Variants in KCNQ2 observed in about 807,000 individuals in gnomAD.
KCNQ2 encodes the protein potassium voltage-gated channel subfamily KQT member 2.
In KCNQ2, 14 loss-of-function variants were observed where a neutral mutation model predicts 84.8. The observed-to-expected ratio is 0.17, with a 90% confidence interval of 0.11 to 0.26. KCNQ2 has a LOEUF of 0.26. Ranked by LOEUF, KCNQ2 falls within the 10% of genes least tolerant of loss-of-function variation. The probability of loss-of-function intolerance (pLI) is 1.00; values close to 1 mark genes in which losing one functional copy is unlikely to be tolerated. For synonymous variants in KCNQ2, 599 were observed against 554.1 expected, an observed-to-expected ratio of 1.08 and a Z score of -1.14; for missense variants, 788 against 1,254.0, an observed-to-expected ratio of 0.63 and a Z score of 5.61.
At chr20:63,423,918 C>T (rs572250081) in intron 11 of KCNQ2, 2 of 527,500 alleles carry the variant, frequency 3.8e-6, no homozygotes, top group Non-Finnish European at 6.9e-6. Context: ...GGATCCCCCA[C>T]CCCCGAGAAG....
At position 63,407,517 on chromosome 20, in the gene KCNQ2, C is replaced by G. The variant is rs967471784; in HGVS notation, c.1888-142G>C. The G allele has an allele frequency of 1.6e-5, 13 of 824,962 alleles. No individual in the cohort carries two copies. The highest frequency in any genetic ancestry group is 3.5e-5 in the African/African-American group (2 of 57,098). The allele number at this position is 824,962 out of a possible 1,614,324, so 51.1% of individuals were successfully genotyped here. A position where few individuals can be genotyped will look rare whatever the true frequency, so the allele number is the denominator to read the frequency against. Reference sequence around the variant, plus strand: ...AGGCTAGTCCCAGGAAACGGGGGACCCAGGCTAGTCCCAGGAGATGTGGGG... The same window carrying G: ...AGGCTAGTCCCAGGAAACGGGGGACGCAGGCTAGTCCCAGGAGATGTGGGG... On this transcript the variant is annotated intron_variant, in intron 16 of 16. Coordinates refer to ENST00000359125, the MANE Select transcript of KCNQ2 (RefSeq NM_172107.4). This position sits in a 1 kb window ranked among gnomAD's most constrained non-coding sequence, Gnocchi z 7.2.
chr20:63,406,976 T>A lies in KCNQ2; in HGVS notation c.2287A>T (p.Met763Leu). ...GTGTCCTCCTGCCGCAGGAACTCCA[T>A]GCTGGCGCGGTTGCCCCCGCCGTAG... ...SAYGGGNRAS[M>L]EFLRQEDTPG... Residue 763 changes from methionine (M) to leucine (L), a missense_variant, in exon 17 of 17, where the codon ATG becomes TTG. Physicochemically the swap from Met to Leu is conservative, Grantham distance 15. This residue lies in a region of KCNQ2 where 378 missense variants were observed against 434.5 expected (regional missense o/e 0.87). Transcript: ENST00000359125. 1.3e-6 allele frequency: 2 copies of A among 1,538,510 alleles called. No individual in the cohort carries two copies. The highest frequency in any genetic ancestry group is 2.4e-5 in the South Asian group (2 of 84,748).
chr20:63,407,477 A>G lies in KCNQ2; in HGVS notation c.1888-102T>C. On this transcript the variant is annotated intron_variant, in intron 16 of 16. Coordinates refer to ENST00000359125, the MANE Select transcript of KCNQ2 (RefSeq NM_172107.4). This position sits in a 1 kb window ranked among gnomAD's most constrained non-coding sequence, Gnocchi z 7.2. Reference sequence around the variant, plus strand: ...TGGGGGGGCCCAGGCTGGTTCCAGGAAACAGGAGAGACCCAGGCTAGTCCC... The same window carrying G: ...TGGGGGGGCCCAGGCTGGTTCCAGGGAACAGGAGAGACCCAGGCTAGTCCC... 1.5e-6 allele frequency: 2 copies of G among 1,299,570 alleles called. No homozygotes were observed. Among genetic ancestry groups the G allele is most frequent in the Non-Finnish European group, 1.1e-6 (1 of 939,508 alleles). The allele number at this position is 1,299,570 out of a possible 1,614,324, so 80.5% of individuals were successfully genotyped here.
intron 1 of KCNQ2, among the ~76,000 whole-genome samples, chr20:63,462,764 C>T (rs935703099): frequency 6.6e-6 from 1 of 152,186 alleles, no homozygotes. Context: ...CAAGGTCCAT[C>T]ACTGCAAACC....
rs2079841419 is a variant in KCNQ2, at chr20:63,403,056, C to A, written c.*3588G>T. On this transcript the variant is annotated 3_prime_UTR_variant, in exon 17 of 17. Transcript: ENST00000359125. ...CACCCATCCCAGGAGGGCCCAGCAC[C>A]TCCAGGGCAGACCAAACACAGGACC... is the stretch of plus-strand genomic sequence containing the variant. 1 of 152,344 alleles carries A rather than the reference C, an allele frequency of 6.6e-6. No individual in the cohort carries two copies. The highest frequency in any genetic ancestry group is 2.1e-4 in the South Asian group (1 of 4,838). The allele number at this position is 152,344 out of a possible 1,614,324, so 9.4% of individuals were successfully genotyped here.
At chr20:63,418,818 T>C (rs2080379204) in intron 12 of KCNQ2, among the ~76,000 whole-genome samples, 1 of 150,834 alleles carries the variant, frequency 6.6e-6, no homozygotes, top group Non-Finnish European at 1.5e-5. Flanking sequence ...GGGCCCCCCA[T>C]GGAGCAGGGT....
At chr20:63,443,334 TCACCAC>T (rs879434888) in intron 4 of KCNQ2, among the ~76,000 whole-genome samples, 8 of 40,224 alleles carry the variant, frequency 2.0e-4, no homozygotes, top group Non-Finnish European at 1.4e-4. Context: ...ACCATCACCA[TCACCAC>T]CATCACCACC....
Position 63,402,825 on chromosome 20 carries a change from T to C in KCNQ2, c.*3819A>G, listed in dbSNP as rs947143201. ...CGCTGAGGGGCAGCGTGTCCTCCGG[T>C]GGGGGGTGTTGGGCACCTGCCCTGC... On this transcript the variant is annotated 3_prime_UTR_variant, in exon 17 of 17. Transcript: ENST00000359125. The C allele has an allele frequency of 6.6e-6, 1 of 152,164 alleles. No individual in the cohort carries two copies. The highest frequency in any genetic ancestry group is 1.5e-5 in the Non-Finnish European group (1 of 68,076). 9.4% of individuals were successfully genotyped at this position (152,164 alleles called of 1,614,324 possible).
Position 63,446,643 on chromosome 20 carries a change from G to T in KCNQ2, c.387+104C>A. On this transcript the variant is annotated intron_variant, in intron 2 of 16. Coordinates refer to ENST00000359125, the MANE Select transcript of KCNQ2 (RefSeq NM_172107.4). The surrounding 1 kb of genome is among the most constrained non-coding windows in gnomAD (Gnocchi z 5.5). ...CAAAGACATGGCCAGAGCTGGGGCTGGGGGCGTCAGAGGCCCTGTAGTAAC... is the reference window on the plus strand; with the variant it reads ...CAAAGACATGGCCAGAGCTGGGGCTTGGGGCGTCAGAGGCCCTGTAGTAAC... 1 of 932,556 alleles carries T rather than the reference G, an allele frequency of 1.1e-6. No homozygotes were observed. Among genetic ancestry groups the T allele is most frequent in the Non-Finnish European group, 1.7e-6 (1 of 572,152 alleles). The allele number at this position is 932,556 out of a possible 1,614,324, so 57.8% of individuals were successfully genotyped here.
chr20:63,416,280 T>C (rs1395773852), intron 12 of KCNQ2, among the ~76,000 whole-genome samples: 1 of 151,502 alleles, frequency 6.6e-6, no homozygotes, highest in East Asian at 2.0e-4. Context: ...TCTCGGGGGG[T>C]CCTTGGGCCT....
At chr20:63,454,021 T>C (rs55762580) in intron 1 of KCNQ2, among the ~76,000 whole-genome samples, 4 of 152,240 alleles carry the variant, frequency 2.6e-5, no homozygotes, top group Non-Finnish European at 5.9e-5. Flanking sequence ...CTCAGCCTGC[T>C]TCCTAAGGTG....
At chr20:63,439,752 C>T in intron 5 of KCNQ2, 44 bp from the exon 6 acceptor site, 1 of 1,447,130 alleles carries the variant, frequency 6.9e-7, no homozygotes, top group Non-Finnish European at 9.7e-7. Context: ...CCTGCTCACA[C>T]CCCTGAGGGC....
rs1262112790 is a variant in KCNQ2, at chr20:63,405,059, T to G, written c.*1585A>C. On this transcript the variant is annotated 3_prime_UTR_variant, in exon 17 of 17. Coordinates refer to ENST00000359125, the MANE Select transcript of KCNQ2 (RefSeq NM_172107.4). ...CCCACCAGCCAGGGGCGTACGACCCTCAAATGCTGCTTTCAAAGTCCTCTC... is the reference window on the plus strand; with the variant it reads ...CCCACCAGCCAGGGGCGTACGACCCGCAAATGCTGCTTTCAAAGTCCTCTC... 6.6e-6 allele frequency: 1 copy of G among 152,118 alleles called. No individual in the cohort carries two copies. The highest frequency in any genetic ancestry group is 1.9e-4 in the East Asian group (1 of 5,174). 9.4% of individuals were successfully genotyped at this position (152,118 alleles called of 1,614,324 possible).
rs570937876 is a variant in KCNQ2 at position 63,438,215 on chromosome 20, G to A, written c.1023+410C>T. ...GGTGGGACGGCACTGGGTGGGGTCC[G>A]GGCGGGCATCATGGGGGCCCACAGC... On this transcript the variant is annotated intron_variant, in intron 7 of 16. Coordinates refer to ENST00000359125, the MANE Select transcript of KCNQ2 (RefSeq NM_172107.4). This position sits in a 1 kb window ranked among gnomAD's most constrained non-coding sequence, Gnocchi z 5.1. 1.6e-5 allele frequency: 5 copies of A among 314,386 alleles called. No individual in the cohort carries two copies. Among genetic ancestry groups the A allele is most frequent in the South Asian group, 6.5e-5 (2 of 30,820 alleles). The allele number at this position is 314,386 out of a possible 1,614,324, so 19.5% of individuals were successfully genotyped here.
At chr20:63,421,881 G>A (rs981732641) in intron 11 of KCNQ2, among the ~76,000 whole-genome samples, 5 of 152,022 alleles carry the variant, frequency 3.3e-5, no homozygotes, top group South Asian at 2.1e-4. Context: ...CTCCCCACCC[G>A]ACCCCAACGT....
chr20:63,423,864 C>T (rs1314517155), intron 11 of KCNQ2: 1 of 491,730 alleles, frequency 2.0e-6, no homozygotes, highest in Non-Finnish European at 3.7e-6. Flanking sequence ...ACAGAGACCC[C>T]CTGCCTCCGA....
chr20:63,416,887 C>T (rs1056754322), intron 12 of KCNQ2, among the ~76,000 whole-genome samples: 5 of 152,162 alleles, frequency 3.3e-5, no homozygotes, highest in African/African-American at 9.7e-5. Flanking sequence ...AGCAGGTGAC[C>T]GCCCAGACCA....
At position 63,407,499 on chromosome 20, in the gene KCNQ2, T is replaced by A. The variant is rs2079986150; in HGVS notation, c.1888-124A>T. Reference sequence around the variant, plus strand: ...AGGAAACAGGAGAGACCCAGGCTAGTCCCAGGAAACGGGGGACCCAGGCTA... The same window carrying A: ...AGGAAACAGGAGAGACCCAGGCTAGACCCAGGAAACGGGGGACCCAGGCTA... On this transcript the variant is annotated intron_variant, in intron 16 of 16. Coordinates refer to ENST00000359125, the MANE Select transcript of KCNQ2 (RefSeq NM_172107.4). The surrounding 1 kb of genome is among the most constrained non-coding windows in gnomAD (Gnocchi z 7.2). The A allele has an allele frequency of 3.9e-6, 4 of 1,018,126 alleles. No homozygotes were observed. In the South Asian group the frequency reaches 4.8e-5, roughly 12 times the overall value. 63.1% of individuals were successfully genotyped at this position (1,018,126 alleles called of 1,614,324 possible). A position where few individuals can be genotyped will look rare whatever the true frequency, so the allele number is the denominator to read the frequency against.
At position 63,442,508 on chromosome 20, in the gene KCNQ2, G is replaced by T. The variant is rs147882199; in HGVS notation, c.714C>A (p.Ile238=). Residue 238 remains isoleucine (I), a synonymous_variant, in exon 5 of 17, where the codon ATC becomes ATA. Transcript: ENST00000359125. Reference sequence around the variant, plus strand: ...AGGCCAGGATGAGACAAAGGAAGCCGATGTACCAGGCAGTGACCAGCTCCT... The same window carrying T: ...AGGCCAGGATGAGACAAAGGAAGCCTATGTACCAGGCAGTGACCAGCTCCT... The part of the protein sequence containing the change: ...HSKELVTAWY[I]GFLCLILASF... 1.8e-5 allele frequency: 29 copies of T among 1,613,334 alleles called. No homozygotes were observed. Among genetic ancestry groups the T allele is most frequent in the Middle Eastern group, 1.6e-4 (1 of 6,082 alleles).
Sources: allele counts gnomAD v4.1 joint callset (sites outside exome capture counted in the v4.1 genomes callset), GRCh38; gene constraint gnomAD v4.1.1; regional missense constraint gnomAD v4.1.1; non-coding constraint Gnocchi (gnomAD v3.1); transcripts MANE v1.5; gene names NCBI Gene and HGNC (gene_info 2026-07-23, HGNC 2026-07-21).